The following RPA1 variants were observed in gnomAD, a reference collection of about 807,000 sequenced individuals.
The protein encoded by RPA1 is replication protein A 70 kDa DNA-binding subunit.
Under a neutral mutation model 83.0 loss-of-function variants are expected in RPA1, and 49 were observed. That is an observed-to-expected ratio of 0.59 (90% confidence interval 0.47 to 0.75). The LOEUF is 0.75. Among genes scored for constraint, RPA1 ranks in the 30% least tolerant of loss-of-function variants. RPA1 has a pLI of 0.00. For missense variants in RPA1, 693 were observed against 776.1 expected (o/e 0.89, Z 1.27); for synonymous variants, 279 against 281.8 (o/e 0.99, Z 0.10).
chr17:1,847,305 C>T (rs753898762), intron 4 of RPA1, among the ~76,000 whole-genome samples: 2 of 152,212 alleles, frequency 1.3e-5, no homozygotes, highest in Non-Finnish European at 2.9e-5. Context: ...TATCTTGGAG[C>T]GCTTAAGTGG....
intron 5 of RPA1, among the ~76,000 whole-genome samples, chr17:1,866,587 G>A (rs1161744557): frequency 1.3e-5 from 2 of 151,788 alleles, no homozygotes; most frequent in East Asian, 3.9e-4. Context: ...GAAGTGCTGG[G>A]ATTATAGGCG....
intron 6 of RPA1, 77 bp downstream of exon 6, chr17:1,872,603 T>G: frequency 6.4e-7 from 1 of 1,559,014 alleles, no homozygotes; most frequent in Non-Finnish European, 8.7e-7. Flanking sequence ...AATCTGGGAC[T>G]AAAGGGAGTT....
chr17:1,845,369 CA>C (rs879287294), intron 4 of RPA1, among the ~76,000 whole-genome samples: 172 of 135,164 alleles, frequency 1.3e-3, no homozygotes, highest in African/African-American at 2.7e-3. Context: ...CCTGTCTCTA[CA>C]AAAAAAAAAA....
chr17:1,839,411 C>T (rs1911954352), intron 1 of RPA1, among the ~76,000 whole-genome samples: 1 of 150,058 alleles, frequency 6.7e-6, no homozygotes, highest in Non-Finnish European at 1.5e-5. Context: ...CTGCAACCTC[C>T]ACCTCTCGGG....
chr17:1,832,175 C>A (rs56157802), intron 1 of RPA1, among the ~76,000 whole-genome samples: 40,601 of 151,130 alleles, frequency 0.27, 5,664 homozygotes, highest in East Asian at 0.45. Flanking sequence ...AGGTGATCCA[C>A]CCTCCTCGGC....
rs1209014977 is a variant in RPA1, at chr17:1,875,611, AG to A, written c.455-49del. 2.6e-6 allele frequency: 4 copies of A among 1,556,974 alleles called. No individual in the cohort carries two copies. In the Admixed American group the frequency reaches 7.9e-5, roughly 31 times the overall value. On this transcript the variant is annotated intron_variant, in intron 6 of 16. Coordinates refer to ENST00000254719, the MANE Select transcript of RPA1 (RefSeq NM_002945.5). ...GTTATTGTAAAGCTTACTATAAAAA[AG>A]CTAAGTAGAATAGTAATAACTCCTT...
intron 1 of RPA1, among the ~76,000 whole-genome samples, chr17:1,841,058 G>A (rs562028971): frequency 4.6e-5 from 7 of 152,080 alleles, no homozygotes; most frequent in East Asian, 1.9e-4. Context: ...GCGAAACTCC[G>A]TCTCAAAAAA....
chr17:1,844,627 G>C lies in RPA1; in HGVS notation c.213G>C (p.Leu71Phe). 1 of 1,613,828 alleles carries C rather than the reference G, an allele frequency of 6.2e-7. No homozygotes were observed. Among genetic ancestry groups the C allele is most frequent in the Non-Finnish European group, 8.5e-7 (1 of 1,179,924 alleles). Reference protein sequence around the residue: ...QLNPLVEEEQLSSNCVCQIHR... With the variant: ...QLNPLVEEEQFSSNCVCQIHR... ...ACCCTCTCGTGGAGGAAGAACAATTGTCCAGCAACTGTGTATGCCAGATTC... is the reference window on the plus strand; with the variant it reads ...ACCCTCTCGTGGAGGAAGAACAATTCTCCAGCAACTGTGTATGCCAGATTC... Residue 71 changes from leucine to phenylalanine, a missense_variant, in exon 4 of 17, where the codon TTG (leucine) becomes TTC (phenylalanine). Transcript: ENST00000254719.
intron 1 of RPA1, among the ~76,000 whole-genome samples, chr17:1,832,678 C>T (rs746316134): frequency 5.9e-5 from 9 of 152,186 alleles, no homozygotes; most frequent in South Asian, 2.1e-4. Flanking sequence ...TGAGCCACCG[C>T]GCACGACCCC....
intron 13 of RPA1, among the ~76,000 whole-genome samples, chr17:1,887,240 A>G (rs904547827): frequency 6.6e-6 from 1 of 152,172 alleles, no homozygotes; most frequent in Non-Finnish European, 1.5e-5. Flanking sequence ...GTGGCACCCC[A>G]GAACAACTAC....
intron 5 of RPA1, among the ~76,000 whole-genome samples, chr17:1,861,161 AC>A (rs1567812402): frequency 1.3e-5 from 2 of 152,120 alleles, no homozygotes; most frequent in African/African-American, 4.8e-5. Context: ...TCTGCTGACT[AC>A]CCAGGAAACC....
chr17:1,896,984 G>A (rs566710422), intron 16 of RPA1, 87 bp from the exon 17 acceptor site: 14 of 1,074,510 alleles, frequency 1.3e-5, no homozygotes, highest in East Asian at 1.3e-4. Flanking sequence ...CCTCCCGCTG[G>A]GCTCACTGAA....
At chr17:1,845,825 G>A (rs1187324183) in intron 4 of RPA1, among the ~76,000 whole-genome samples, 3 of 152,064 alleles carry the variant, frequency 2.0e-5, no homozygotes, top group South Asian at 2.1e-4. Flanking sequence ...CCAGCTACTC[G>A]GAAGGCTGAG....
At chr17:1,877,732 C>T (rs1031516685) in intron 8 of RPA1, among the ~76,000 whole-genome samples, 1 of 152,116 alleles carries the variant, frequency 6.6e-6, no homozygotes. Flanking sequence ...TGCTTGTGAG[C>T]GCCGTGGAGC....
chr17:1,842,671 T>C (rs1912098158), intron 1 of RPA1, 132 bp from the exon 2 acceptor site: 2 of 710,932 alleles, frequency 2.8e-6, no homozygotes, highest in Non-Finnish European at 4.8e-6. Flanking sequence ...AACTAGATGC[T>C]TCAGCTGACA....
At chr17:1,835,581 T>C (rs1464912573) in intron 1 of RPA1, among the ~76,000 whole-genome samples, 2 of 152,182 alleles carry the variant, frequency 1.3e-5, no homozygotes, top group African/African-American at 4.8e-5. Flanking sequence ...ATTTGTTGTT[T>C]GTTGTTGTTT....
intron 5 of RPA1, among the ~76,000 whole-genome samples, chr17:1,870,974 CT>C (rs1913357003): frequency 6.6e-6 from 1 of 152,104 alleles, no homozygotes; most frequent in African/African-American, 2.4e-5. Flanking sequence ...AGCTTTTGTT[CT>C]ATTTCTTTCC....
At chr17:1,881,834 G>T (rs1226085673) in intron 12 of RPA1, among the ~76,000 whole-genome samples, 1 of 152,174 alleles carries the variant, frequency 6.6e-6, no homozygotes, top group African/African-American at 2.4e-5. Context: ...AAGGATTAGA[G>T]ATGTTTAGAT....
chr17:1,858,335 G>A lies in RPA1; in HGVS notation c.361+5146G>A, dbSNP rs1044401069. 86 of 1,607,844 alleles carry A rather than the reference G, an allele frequency of 5.3e-5. 1 individual carries two copies. In the Admixed American group the frequency reaches 1.1e-3, roughly 21 times the overall value. On this transcript the variant is annotated intron_variant, in intron 5 of 16. Coordinates refer to ENST00000254719, the MANE Select transcript of RPA1 (RefSeq NM_002945.5). ...GCACTCAAAGCAATACCAGTGCCACGGTGGCAGATGGACATCGCCATGGGA... is the reference window on the plus strand; with the variant it reads ...GCACTCAAAGCAATACCAGTGCCACAGTGGCAGATGGACATCGCCATGGGA...
Sources: gnomAD v4.1 joint callset for allele counts (sites outside exome capture counted in the v4.1 genomes callset) on GRCh38, gnomAD v4.1.1 for gene constraint, MANE v1.5 for transcripts, NCBI Gene and HGNC (gene_info 2026-07-23, HGNC 2026-07-21) for gene names.